Variants in KCNIP4 observed in about 807,000 individuals in gnomAD.
KCNIP4 encodes the protein Kv channel-interacting protein 4.
In KCNIP4, 12 loss-of-function variants were observed where a neutral mutation model predicts 34.0. That is an observed-to-expected ratio of 0.35 (90% CI 0.23 to 0.57). The LOEUF (loss-of-function observed/expected upper bound fraction) is 0.57, where lower values mean the gene tolerates loss of function less well. Among genes scored for constraint, KCNIP4 ranks in the 20% least tolerant of loss-of-function variants. The pLI is 0.83. For missense variants in KCNIP4, 238 were observed against 311.7 expected (o/e 0.76, Z 1.78); for synonymous variants, 124 against 102.2 (o/e 1.21, Z -1.29).
At chr4:21,045,610 G>A (rs1490781755) in intron 1 of KCNIP4, among the ~76,000 whole-genome samples, 4 of 152,088 alleles carry the variant, frequency 2.6e-5, no homozygotes, top group South Asian at 2.1e-4. Flanking sequence ...CCCACTGAAC[G>A]TAGATCGTGT....
At chr4:21,270,158 G>A (rs1457733596) in intron 1 of KCNIP4, among the ~76,000 whole-genome samples, 1 of 152,164 alleles carries the variant, frequency 6.6e-6, no homozygotes, top group African/African-American at 2.4e-5. Context: ...ACGGTGTTAA[G>A]CAATACCTAG....
intron 1 of KCNIP4, among the ~76,000 whole-genome samples, chr4:21,461,982 T>A (rs572976193): frequency 6.6e-6 from 1 of 152,022 alleles, no homozygotes; most frequent in South Asian, 2.1e-4. Flanking sequence ...ATATAATGCA[T>A]GATGATCAAA....
intron 1 of KCNIP4, among the ~76,000 whole-genome samples, chr4:21,231,530 A>G (rs1353231351): frequency 1.3e-5 from 2 of 152,150 alleles, no homozygotes; most frequent in Non-Finnish European, 2.9e-5. Context: ...CATTGTAAAG[A>G]TGAAAGTTCT....
chr4:21,094,998 C>T (rs1319345661), intron 1 of KCNIP4, among the ~76,000 whole-genome samples: 2 of 152,052 alleles, frequency 1.3e-5, no homozygotes, highest in East Asian at 1.9e-4. Flanking sequence ...AAAATGTTTA[C>T]AATTGTATGA....
At chr4:21,929,958 T>TA (rs1406066480) in intron 1 of KCNIP4, among the ~76,000 whole-genome samples, 3 of 152,146 alleles carry the variant, frequency 2.0e-5, no homozygotes, top group Non-Finnish European at 2.9e-5. Context: ...TGCAGTCACT[T>TA]AATTCTAGTC....
intron 1 of KCNIP4, among the ~76,000 whole-genome samples, chr4:21,250,662 G>A (rs908977087): frequency 3.3e-5 from 5 of 151,930 alleles, no homozygotes; most frequent in Non-Finnish European, 7.4e-5. Flanking sequence ...CATGTTATTG[G>A]CTGGCGATTT....
intron 1 of KCNIP4, among the ~76,000 whole-genome samples, chr4:21,355,757 A>C (rs1035273986): frequency 6.6e-6 from 1 of 152,224 alleles, no homozygotes; most frequent in African/African-American, 2.4e-5. Context: ...TTCTGAAACT[A>C]TTCCAATCAA....
At chr4:20,991,678 T>C (rs1261770785) in intron 1 of KCNIP4, among the ~76,000 whole-genome samples, 1 of 152,192 alleles carries the variant, frequency 6.6e-6, no homozygotes, top group Non-Finnish European at 1.5e-5. Flanking sequence ...CTCTTATAAC[T>C]AGAAATACAG....
intron 1 of KCNIP4, among the ~76,000 whole-genome samples, chr4:21,828,022 A>G (rs1722771875): frequency 6.6e-6 from 1 of 151,412 alleles, no homozygotes; most frequent in Non-Finnish European, 1.5e-5. Context: ...TCATGTAAAA[A>G]AAAAAAAACC....
At position 21,409,595 on chromosome 4, in the gene KCNIP4, G is replaced by A. The variant is rs75055318; in HGVS notation, c.62-526886C>T. ...ATTAGAAATGTTATATTGAAGACAT[G>A]TTGAAATAATATACTTTGGATAATT... is the stretch of plus-strand genomic sequence containing the variant. On this transcript the variant is annotated intron_variant, in intron 1 of 8. Transcript: ENST00000382152. 5.7e-3 allele frequency among the ~76,000 whole-genome samples: 874 copies of A among 152,278 alleles called. 6 individuals carry two copies. Among genetic ancestry groups the A allele is most frequent in the African/African-American group, 0.02 (846 of 41,564 alleles).
At chr4:21,602,600 T>C (rs2109123894) in intron 1 of KCNIP4, among the ~76,000 whole-genome samples, 1 of 152,300 alleles carries the variant, frequency 6.6e-6, no homozygotes, top group East Asian at 1.9e-4. Flanking sequence ...TCAAGTACAA[T>C]GATTCAAAGA....
At chr4:21,109,261 G>A (rs926305116) in intron 1 of KCNIP4, among the ~76,000 whole-genome samples, 4 of 141,846 alleles carry the variant, frequency 2.8e-5, no homozygotes, top group Admixed American at 7.2e-5. Context: ...CACCCAGTTC[G>A]AGCTTCCCGG....
chr4:21,318,181 T>G (rs1713981292), intron 1 of KCNIP4, among the ~76,000 whole-genome samples: 2 of 152,178 alleles, frequency 1.3e-5, no homozygotes, highest in Admixed American at 6.6e-5. Context: ...GGAGACATTT[T>G]AAAAAAGACA....
chr4:21,607,278 G>T (rs7665351), intron 1 of KCNIP4, among the ~76,000 whole-genome samples: 2 of 151,952 alleles, frequency 1.3e-5, no homozygotes, highest in African/African-American at 4.8e-5. Flanking sequence ...ATCTCAGAAG[G>T]TTCTTCTAAG....
chr4:21,264,572 C>T (rs559712968), intron 1 of KCNIP4, among the ~76,000 whole-genome samples: 10 of 152,258 alleles, frequency 6.6e-5, no homozygotes, highest in Admixed American at 3.3e-4. Context: ...GAAAATACTA[C>T]ACCCACCATG....
chr4:20,960,709 G>A (rs1275837286), intron 1 of KCNIP4, among the ~76,000 whole-genome samples: 1 of 152,168 alleles, frequency 6.6e-6, no homozygotes, highest in Non-Finnish European at 1.5e-5. Context: ...CACCTACAAA[G>A]TGCTGGTGTT....
chr4:20,998,753 C>A (rs140389765), intron 1 of KCNIP4, among the ~76,000 whole-genome samples: 35 of 152,348 alleles, frequency 2.3e-4, no homozygotes, highest in African/African-American at 8.2e-4. Context: ...GATAATAGTT[C>A]TTTGCAAAGA....
At position 21,932,001 on chromosome 4, in the gene KCNIP4, C is replaced by T. The variant is rs182995593; in HGVS notation, c.61+16570G>A. Among the ~76,000 whole-genome samples the T allele has an allele frequency of 2.0e-3, 299 of 152,146 alleles. 2 individuals carry two copies. Among genetic ancestry groups the T allele is most frequent in the African/African-American group, 6.7e-3 (277 of 41,508 alleles). The stretch of plus-strand genomic sequence containing the variant: ...CAATTACACATTGTAGTTGGGTAGG[C>T]CAATACTGACTCAGTTTCTCCACAA... On this transcript the variant is annotated intron_variant, in intron 1 of 8. Transcript: ENST00000382152.
chr4:21,118,449 T>C (rs1396277999), intron 1 of KCNIP4, among the ~76,000 whole-genome samples: 1 of 152,326 alleles, frequency 6.6e-6, no homozygotes, highest in East Asian at 1.9e-4. Context: ...TCAGCTTCCC[T>C]GTGCCAACAA....
Sources: allele counts gnomAD v4.1 joint callset (sites outside exome capture counted in the v4.1 genomes callset), GRCh38; gene constraint gnomAD v4.1.1; transcripts MANE v1.5; gene names NCBI Gene and HGNC (gene_info 2026-07-23, HGNC 2026-07-21).